KIF1C: variants seen among roughly 807,000 people sequenced by gnomAD.
KIF1C encodes the protein kinesin-like protein KIF1C.
Under a neutral mutation model 126.5 loss-of-function variants are expected in KIF1C, and 61 were observed. The observed-to-expected ratio is 0.48, with a 90% CI of 0.39 to 0.60. KIF1C has a LOEUF of 0.60. Among genes scored for constraint, KIF1C ranks in the 20% least tolerant of loss-of-function variants. The pLI is 0.00. For missense variants in KIF1C, 1,315 were observed against 1,489.2 expected (o/e 0.88, Z 1.93); for synonymous variants, 640 against 580.6 (o/e 1.10, Z -1.47).
In KIF1C at chr17:5,026,842, C is replaced by T. The variant is rs952744792; in HGVS notation, c.*2691C>T. 6.6e-6 allele frequency: 1 copy of T among 151,608 alleles called. No homozygotes were observed. Among genetic ancestry groups the T allele is most frequent in the African/African-American group, 2.4e-5 (1 of 41,234 alleles). The allele number at this position is 151,608 out of a possible 1,614,324, so 9.4% of individuals were successfully genotyped here. A position where few individuals can be genotyped will look rare whatever the true frequency, so the allele number is the denominator to read the frequency against. ...GTGGCTCACACCCGTAATCCCAACA[C>T]TTTGGAATATTAGGGTGGGAGCATC... is the stretch of plus-strand genomic sequence containing the variant. On this transcript the variant is annotated 3_prime_UTR_variant, in exon 23 of 23. Coordinates refer to ENST00000320785, the MANE Select transcript of KIF1C (RefSeq NM_006612.6).
rs777181739 is a variant in KIF1C at position 5,003,692 on chromosome 17, G to T, written c.798+3G>T. 3.1e-6 allele frequency: 5 copies of T among 1,612,154 alleles called. No individual in the cohort carries two copies. In the African/African-American group the frequency reaches 6.7e-5, roughly 22 times the overall value. On this transcript the variant is annotated splice_donor_region_variant and intron_variant, in intron 9 of 22. Coordinates refer to ENST00000320785, the MANE Select transcript of KIF1C (RefSeq NM_006612.6). ...GGGCCCGGGGCATGCGCCTGAAGGT[G>T]AGGGGCCTTCAGAGGGTGGTTTGTT... is the stretch of plus-strand genomic sequence containing the variant.
At chr17:5,005,454 G>T (rs574756798) in intron 13 of KIF1C, among the ~76,000 whole-genome samples, 2 of 152,170 alleles carry the variant, frequency 1.3e-5, no homozygotes, top group Non-Finnish European at 2.9e-5. Flanking sequence ...CAAATCAGAG[G>T]ATGTGTAATC....
intron 16 of KIF1C, among the ~76,000 whole-genome samples, chr17:5,008,332 G>A (rs943541667): frequency 1.3e-5 from 2 of 152,090 alleles, no homozygotes; most frequent in Admixed American, 1.3e-4. Flanking sequence ...CGCTGTACCG[G>A]TGCATACCAG....
In KIF1C at chr17:5,000,223, AG is replaced by A; in HGVS notation, c.-22del. ...CACTCCTTTCTCTGTCCTCCAGCTG[AG>A]GAGGGCAGGAGTGTCTGGAGCTATG... On this transcript the variant is annotated 5_prime_UTR_variant, in exon 3 of 23. Coordinates refer to ENST00000320785, the MANE Select transcript of KIF1C (RefSeq NM_006612.6). The A allele has an allele frequency of 6.6e-7, 1 of 1,510,224 alleles. No homozygotes were observed. Among genetic ancestry groups the A allele is most frequent in the Non-Finnish European group, 9.0e-7 (1 of 1,107,736 alleles). 93.6% of individuals were successfully genotyped at this position (1,510,224 alleles called of 1,614,324 possible). A position where few individuals can be genotyped will look rare whatever the true frequency, so the allele number is the denominator to read the frequency against.
intron 16 of KIF1C, among the ~76,000 whole-genome samples, chr17:5,010,917 TCTC>T (rs1280129302): frequency 6.6e-6 from 1 of 150,878 alleles, no homozygotes; most frequent in African/African-American, 2.4e-5. Flanking sequence ...TTCACGCCAT[TCTC>T]CTGCCTCAGC....
At chr17:5,017,293 CT>C (rs34140025) in intron 18 of KIF1C, among the ~76,000 whole-genome samples, 12,278 of 85,280 alleles carry the variant, frequency 0.14, 309 homozygotes, top group African/African-American at 0.26. Context: ...GGCCTTGGTT[CT>C]TTTTTTTTTT....
At chr17:5,017,292 T>C (rs1974990883) in intron 18 of KIF1C, among the ~76,000 whole-genome samples, 2 of 139,424 alleles carry the variant, frequency 1.4e-5, no homozygotes, top group Non-Finnish European at 3.1e-5. Flanking sequence ...GGGCCTTGGT[T>C]CTTTTTTTTT....
intron 18 of KIF1C, among the ~76,000 whole-genome samples, chr17:5,018,374 A>C (rs1975023179): frequency 6.6e-6 from 1 of 152,058 alleles, no homozygotes. Context: ...TAGTTTTAAT[A>C]AATGGCATCT....
intron 21 of KIF1C, among the ~76,000 whole-genome samples, chr17:5,021,479 G>C (rs1316263501): frequency 6.6e-6 from 1 of 150,896 alleles, no homozygotes; most frequent in Non-Finnish European, 1.5e-5. Flanking sequence ...CCCGGCCATG[G>C]ACTTTCTATT....
chr17:5,022,548 G>A lies in KIF1C; in HGVS notation c.2467G>A (p.Glu823Lys), dbSNP rs1269418400. 6.3e-7 allele frequency: 1 copy of A among 1,588,088 alleles called. No individual in the cohort carries two copies. ...GGAGSGGGSE[E>K]GARGAEVEDL... The stretch of plus-strand genomic sequence containing the variant: ...AGCTGGCAGTGGTGGTGGCAGTGAG[G>A]AGGGAGCCCGAGGGGCGGAGGTGGA... The change falls in exon 22 of 23, where the codon GAG becomes AAG. Residue 823 changes from glutamate (E) to lysine (K), a missense_variant. Glu to Lys is a moderately conservative substitution (Grantham distance 56). Transcript: ENST00000320785. This position sits in a 1 kb window ranked among gnomAD's most constrained non-coding sequence, Gnocchi z 4.9.
chr17:5,005,435 AAT>A (rs1555570045), intron 13 of KIF1C, among the ~76,000 whole-genome samples: 3 of 152,172 alleles, frequency 2.0e-5, no homozygotes, highest in Non-Finnish European at 4.4e-5. Flanking sequence ...CACTGATGGA[AAT>A]AGTGTCCAAA....
At chr17:5,008,572 T>C (rs1567723384) in intron 16 of KIF1C, among the ~76,000 whole-genome samples, 1 of 152,220 alleles carries the variant, frequency 6.6e-6, no homozygotes, top group Non-Finnish European at 1.5e-5. Context: ...GGCTCCTCTC[T>C]GTTTTGTAAA....
At chr17:5,007,122 C>T in intron 14 of KIF1C, 38 bp downstream of exon 14, 1 of 1,580,012 alleles carries the variant, frequency 6.3e-7, no homozygotes, top group Non-Finnish European at 8.6e-7. Context: ...GGGGTCTGGG[C>T]ATTCCTGGGA....
Position 5,004,084 on chromosome 17 carries a change from C to T in KIF1C, c.940+11C>T. The T allele has an allele frequency of 2.5e-6, 4 of 1,586,396 alleles. No individual in the cohort carries two copies. Among genetic ancestry groups the T allele is most frequent in the African/African-American group, 1.3e-5 (1 of 74,426 alleles). On this transcript the variant is annotated intron_variant, in intron 11 of 22. Coordinates refer to ENST00000320785, the MANE Select transcript of KIF1C (RefSeq NM_006612.6). ...TCAAGGAAAATTTGGGTGAGGGCCT[C>T]TTCCTCTTTCTCTGCCGACCCTGAC...
chr17:5,013,579 C>T (rs1194322554), intron 16 of KIF1C, 74 bp from the exon 17 acceptor site: 25 of 1,091,586 alleles, frequency 2.3e-5, no homozygotes, highest in Non-Finnish European at 3.5e-5. Context: ...GGTGTCTCCT[C>T]CCACCGCTCC....
chr17:5,000,913 G>A (rs1451556173), intron 4 of KIF1C, 65 bp downstream of exon 4: 2 of 1,493,270 alleles, frequency 1.3e-6, no homozygotes, highest in South Asian at 1.1e-5. Context: ...CCTGGGGAGG[G>A]GACATGTTAA....
Position 5,014,787 on chromosome 17 carries a change from T to C in KIF1C, c.1616T>C (p.Ile539Thr). The C allele has an allele frequency of 1.2e-6, 2 of 1,602,558 alleles. No homozygotes were observed. The highest frequency in any genetic ancestry group is 1.1e-5 in the South Asian group (1 of 88,264). The change falls in exon 18 of 23, where the codon ATT becomes ACT. Residue 539 changes from isoleucine to threonine, a missense_variant. Transcript: ENST00000320785. ...GACATCAAGCTGACCGGACAGTTCA[T>C]TCGGGAGCAACACTGTCTGTTCCGG... ...DMDIKLTGQF[I>T]REQHCLFRSI...
chr17:5,022,719 G>T lies in KIF1C; in HGVS notation c.2628+10G>T. On this transcript the variant is annotated intron_variant, in intron 22 of 22. Coordinates refer to ENST00000320785, the MANE Select transcript of KIF1C (RefSeq NM_006612.6). This position sits in a 1 kb window ranked among gnomAD's most constrained non-coding sequence, Gnocchi z 4.9. ...CATCCCCCTGGCCCAGGTAGGACTG[G>T]CCTTCTGCCTCCCTTCTCTCCTCCC... is the stretch of plus-strand genomic sequence containing the variant. The T allele has an allele frequency of 1.3e-6, 2 of 1,510,106 alleles. No homozygotes were observed. Among genetic ancestry groups the T allele is most frequent in the Admixed American group, 2.2e-5 (1 of 45,322 alleles). 93.5% of individuals were successfully genotyped at this position (1,510,106 alleles called of 1,614,324 possible). A position where few individuals can be genotyped will look rare whatever the true frequency, so the allele number is the denominator to read the frequency against.
In KIF1C at chr17:5,026,457, A is replaced by C. The variant is rs1975209465; in HGVS notation, c.*2306A>C. On this transcript the variant is annotated 3_prime_UTR_variant, in exon 23 of 23. Coordinates refer to ENST00000320785, the MANE Select transcript of KIF1C (RefSeq NM_006612.6). ...AATGTATATTATCCATAATTTTAAA[A>C]ATCCACTTATGGCTGGGCACAGAAG... 6.6e-6 allele frequency: 1 copy of C among 152,138 alleles called. No individual in the cohort carries two copies. Among genetic ancestry groups the C allele is most frequent in the South Asian group, 2.1e-4 (1 of 4,836 alleles). The allele number at this position is 152,138 out of a possible 1,614,324, so 9.4% of individuals were successfully genotyped here.
Sources: gnomAD v4.1 joint callset for allele counts (sites outside exome capture counted in the v4.1 genomes callset) on GRCh38, gnomAD v4.1.1 for gene constraint, Gnocchi (gnomAD v3.1) non-coding constraint, MANE v1.5 for transcripts, NCBI Gene and HGNC (gene_info 2026-07-23, HGNC 2026-07-21) for gene names.